Variants in OR1B1 observed in about 807,000 individuals in gnomAD.
The protein encoded by OR1B1 is olfactory receptor family 1 subfamily B member 1.
For synonymous variants in OR1B1, 168 were observed against 156.2 expected (o/e 1.08, Z -0.57); for missense variants, 414 against 402.1 (o/e 1.03, Z -0.25).
chr9:122,634,324 G>A (rs1470013316), upstream of OR1B1, among the ~76,000 whole-genome samples: 6 of 128,736 alleles, frequency 4.7e-5, no homozygotes, highest in South Asian at 2.4e-4. Flanking sequence ...CAACAAGAGC[G>A]AACTCCATCT....
chr9:122,645,590 T>C, the OR1B1 span, among the ~76,000 whole-genome samples: 2 of 152,170 alleles, frequency 1.3e-5, no homozygotes, highest in Non-Finnish European at 2.9e-5. Context: ...CAGAAGACTT[T>C]TCAGTGGAAA....
chr9:122,650,275 G>A, the OR1B1 span, among the ~76,000 whole-genome samples: 10 of 151,998 alleles, frequency 6.6e-5, no homozygotes, highest in South Asian at 2.1e-4. Flanking sequence ...AGGAGGGCTC[G>A]CATTAGGAGA....
At chr9:122,638,505 A>G in the OR1B1 span, among the ~76,000 whole-genome samples, 32 of 152,316 alleles carry the variant, frequency 2.1e-4, no homozygotes, top group African/African-American at 7.7e-4. Flanking sequence ...AACTCAAAAT[A>G]ATATCCACAT....
At chr9:122,639,966 A>G in the OR1B1 span, among the ~76,000 whole-genome samples, 2 of 152,062 alleles carry the variant, frequency 1.3e-5, no homozygotes, top group Admixed American at 6.6e-5. Flanking sequence ...AGCACTCCAC[A>G]TGCATGATTT....
At chr9:122,639,115 G>A in the OR1B1 span, among the ~76,000 whole-genome samples, 3 of 152,082 alleles carry the variant, frequency 2.0e-5, no homozygotes, top group African/African-American at 7.2e-5. Flanking sequence ...TATCTACTTA[G>A]ATAGACGTTT....
the OR1B1 span, among the ~76,000 whole-genome samples, chr9:122,642,156 A>G: frequency 2.6e-3 from 390 of 152,230 alleles, no homozygotes; most frequent in Non-Finnish European, 3.8e-3. Flanking sequence ...CAGAAAGGAG[A>G]AAGGATAGAA....
chr9:122,628,196 C>T (rs1296873327), downstream of OR1B1, among the ~76,000 whole-genome samples: 1 of 152,122 alleles, frequency 6.6e-6, no homozygotes, highest in Non-Finnish European at 1.5e-5. Context: ...CCCACAAGAA[C>T]ACACACCAAC....
upstream of OR1B1, among the ~76,000 whole-genome samples, chr9:122,630,387 C>T (rs1375629505): frequency 3.3e-5 from 5 of 152,214 alleles, no homozygotes; most frequent in Non-Finnish European, 7.3e-5. Flanking sequence ...TCATCTCCCA[C>T]ATCCAATCAT....
downstream of OR1B1, chr9:122,628,553 A>G (rs369077299): frequency 1.4e-6 from 2 of 1,465,936 alleles, no homozygotes; most frequent in Admixed American, 1.7e-5. Flanking sequence ...TTTCTCACCT[A>G]TTCAATATGG....
upstream of OR1B1, among the ~76,000 whole-genome samples, chr9:122,631,045 C>A (rs760032587): frequency 3.9e-5 from 6 of 151,942 alleles, no homozygotes; most frequent in Non-Finnish European, 8.8e-5. Context: ...AATTCTCAAA[C>A]ATGGTAAGCT....
the OR1B1 span, among the ~76,000 whole-genome samples, chr9:122,640,949 T>C: frequency 4.6e-5 from 7 of 152,260 alleles, no homozygotes; most frequent in Non-Finnish European, 1.0e-4. Flanking sequence ...AAAGAAGTCA[T>C]AGCATGGAGA....
upstream of OR1B1, among the ~76,000 whole-genome samples, chr9:122,633,408 T>C (rs1830223806): frequency 6.6e-6 from 1 of 152,052 alleles, no homozygotes; most frequent in Non-Finnish European, 1.5e-5. Flanking sequence ...TTTCTGGATA[T>C]TACACCAAAT....
chr9:122,631,339 G>T (rs1171066994), upstream of OR1B1, among the ~76,000 whole-genome samples: 1 of 151,824 alleles, frequency 6.6e-6, no homozygotes, highest in East Asian at 1.9e-4. Context: ...ACCATGCCAG[G>T]CTAATTTTTT....
At position 122,629,372 on chromosome 9, in the gene OR1B1, GA is replaced by G. The variant is rs778800820; in HGVS notation, c.163del (p.Ser55ProfsTer16). 7.4e-6 allele frequency: 12 copies of G among 1,613,972 alleles called. No individual in the cohort carries two copies. The highest frequency in any genetic ancestry group is 1.7e-5 in the Admixed American group (1 of 59,990). ...ATAATACATGGGTGAGTGCAGTCTG[GA>G]GTCCCAGGAGATGAGCAGCACCAGT... On this transcript the variant is annotated frameshift_variant, in exon 1 of 1. Transcript: ENST00000623530. LOFTEE classifies it low-confidence loss of function (END_TRUNC).
upstream of OR1B1, among the ~76,000 whole-genome samples, chr9:122,634,311 A>G (rs1483265505): frequency 1.3e-5 from 2 of 150,390 alleles, no homozygotes; most frequent in East Asian, 1.9e-4. Context: ...ACTCCAGCCT[A>G]GGCAACAAGA....
chr9:122,628,831 A>T (rs1830168155), exon 1 of OR1B1: 3 of 1,614,044 alleles, frequency 1.9e-6, no homozygotes, highest in Non-Finnish European at 2.5e-6. Context: ...CAGCAGCTGA[A>T]GGCAAACGTA....
chr9:122,632,537 A>G (rs750412213), upstream of OR1B1, among the ~76,000 whole-genome samples: 4 of 152,168 alleles, frequency 2.6e-5, no homozygotes, highest in Admixed American at 6.5e-5. Flanking sequence ...CAGTATACAC[A>G]GCACCCAATT....
the OR1B1 span, among the ~76,000 whole-genome samples, chr9:122,651,654 T>A: frequency 6.6e-6 from 1 of 152,216 alleles, no homozygotes; most frequent in African/African-American, 2.4e-5. Flanking sequence ...AATTAACTCA[T>A]CACTTTCACT....
At chr9:122,654,838 T>C in the OR1B1 span, among the ~76,000 whole-genome samples, 1 of 152,228 alleles carries the variant, frequency 6.6e-6, no homozygotes, top group Non-Finnish European at 1.5e-5. Flanking sequence ...TTGTCACAGA[T>C]AACAGGATTT....
Sources: allele counts gnomAD v4.1 joint callset (sites outside exome capture counted in the v4.1 genomes callset), GRCh38; gene constraint gnomAD v4.1.1; transcripts MANE v1.5; gene names NCBI Gene and HGNC (gene_info 2026-07-23, HGNC 2026-07-21).